Variants in MAP2K4 observed in about 807,000 individuals in gnomAD.
The protein encoded by MAP2K4 is dual specificity mitogen-activated protein kinase kinase 4.
A neutral mutation model predicts 48.5 loss-of-function variants in MAP2K4; 4 were observed. The observed-to-expected ratio is 0.08, with a 90% CI of 0.04 to 0.19. The LOEUF (loss-of-function observed/expected upper bound fraction) is 0.19, where lower values mean the gene tolerates loss of function less well. MAP2K4 is among the 10% of genes least tolerant of loss of function. The pLI, the probability that MAP2K4 is intolerant of heterozygous loss-of-function variation, is 1.00. For synonymous variants in MAP2K4, 166 were observed against 173.1 expected (o/e 0.96, Z 0.32); for missense variants, 258 against 493.3 (o/e 0.52, Z 4.52).
At chr17:12,119,626 C>G (rs1396552029) in intron 7 of MAP2K4, among the ~76,000 whole-genome samples, 2 of 152,328 alleles carry the variant, frequency 1.3e-5, no homozygotes, top group East Asian at 3.9e-4. Flanking sequence ...CCCAGCAGTT[C>G]CATTACTGGA....
chr17:12,063,014 A>G (rs1970500710), intron 2 of MAP2K4, among the ~76,000 whole-genome samples: 1 of 152,072 alleles, frequency 6.6e-6, no homozygotes, highest in Admixed American at 6.6e-5. Context: ...ATTCTAGGAA[A>G]GACAATTTAT....
At chr17:12,095,785 C>A in intron 4 of MAP2K4, 91 bp downstream of exon 4, 1 of 1,359,916 alleles carries the variant, frequency 7.4e-7, no homozygotes, top group Non-Finnish European at 1.0e-6. Flanking sequence ...AAATGCCATA[C>A]ATTAGTAATA....
intron 3 of MAP2K4, among the ~76,000 whole-genome samples, chr17:12,086,278 C>A (rs757837642): frequency 6.6e-6 from 1 of 152,094 alleles, no homozygotes; most frequent in Non-Finnish European, 1.5e-5. Flanking sequence ...GAGCTGTATT[C>A]TTTTATGCTT....
rs1190100164 is a variant in MAP2K4 at position 12,143,795 on chromosome 17, A to G, written c.*2535A>G. The stretch of plus-strand genomic sequence containing the variant: ...AGGGGAAAATCTTAAAGTAAATTAC[A>G]TTAAATTATCTGTGCATTTCACACC... On this transcript the variant is annotated 3_prime_UTR_variant, in exon 11 of 11. Coordinates refer to ENST00000353533, the MANE Select transcript of MAP2K4 (RefSeq NM_003010.4). The G allele has an allele frequency of 4.4e-6, 1 of 226,906 alleles. No homozygotes were observed. Among genetic ancestry groups the G allele is most frequent in the Non-Finnish European group, 8.8e-6 (1 of 114,108 alleles). 14.1% of individuals were successfully genotyped at this position (226,906 alleles called of 1,614,324 possible). A position where few individuals can be genotyped will look rare whatever the true frequency, so the allele number is the denominator to read the frequency against.
At chr17:12,036,976 G>A (rs1969621647) in intron 1 of MAP2K4, among the ~76,000 whole-genome samples, 1 of 151,980 alleles carries the variant, frequency 6.6e-6, no homozygotes, top group Non-Finnish European at 1.5e-5. Flanking sequence ...TTTGGGTAGT[G>A]TTAAGTTTCT....
At chr17:12,068,769 G>T (rs577813111) in intron 2 of MAP2K4, among the ~76,000 whole-genome samples, 2 of 145,606 alleles carry the variant, frequency 1.4e-5, no homozygotes, top group African/African-American at 4.9e-5. Flanking sequence ...TATATATAGC[G>T]TGTGTGTATA....
At chr17:12,092,994 C>G (rs1164531682) in intron 3 of MAP2K4, among the ~76,000 whole-genome samples, 2 of 152,156 alleles carry the variant, frequency 1.3e-5, no homozygotes, top group African/African-American at 2.4e-5. Context: ...CCACTGCACT[C>G]CGGCCTGGGC....
intron 9 of MAP2K4, among the ~76,000 whole-genome samples, chr17:12,136,544 G>T (rs1219667060): frequency 1.3e-5 from 2 of 152,134 alleles, no homozygotes; most frequent in Non-Finnish European, 2.9e-5. Context: ...TTGAAATGTG[G>T]CTAATGTAAC....
At chr17:12,098,028 A>G (rs1312542940) in intron 4 of MAP2K4, among the ~76,000 whole-genome samples, 1 of 152,238 alleles carries the variant, frequency 6.6e-6, no homozygotes, top group Non-Finnish European at 1.5e-5. Context: ...AGAAAAGCAG[A>G]AAGTAACAAC....
At position 12,142,522 on chromosome 17, in the gene MAP2K4, C is replaced by A. The variant is rs377467531; in HGVS notation, c.*1262C>A. ...CTCATATTCGCTAGTGTTTAAAAGG[C>A]TAAGAATAGTGGGGCCCAGCCGATG... On this transcript the variant is annotated 3_prime_UTR_variant, in exon 11 of 11. Coordinates refer to ENST00000353533, the MANE Select transcript of MAP2K4 (RefSeq NM_003010.4). 1.2e-3 allele frequency: 291 copies of A among 233,040 alleles called. 1 individual carries two copies. The highest frequency in any genetic ancestry group is 3.1e-3 in the South Asian group (17 of 5,522). The allele number at this position is 233,040 out of a possible 1,614,324, so 14.4% of individuals were successfully genotyped here. A position where few individuals can be genotyped will look rare whatever the true frequency, so the allele number is the denominator to read the frequency against.
chr17:12,087,306 C>T (rs1043720980), intron 3 of MAP2K4, among the ~76,000 whole-genome samples: 1 of 152,094 alleles, frequency 6.6e-6, no homozygotes, highest in Non-Finnish European at 1.5e-5. Flanking sequence ...ACTTTATTGT[C>T]GTAAGTACTG....
At chr17:12,128,691 T>G (rs559584319) in intron 8 of MAP2K4, among the ~76,000 whole-genome samples, 16 of 152,312 alleles carry the variant, frequency 1.1e-4, no homozygotes, top group Non-Finnish European at 2.2e-4. Flanking sequence ...GATTAGGCTT[T>G]TGTTTGTTGG....
At chr17:12,138,548 G>A (rs1300000660) in intron 9 of MAP2K4, among the ~76,000 whole-genome samples, 1 of 151,932 alleles carries the variant, frequency 6.6e-6, no homozygotes, top group Admixed American at 6.6e-5. Context: ...TTGCTATCTC[G>A]GGTGGCAGAG....
At chr17:12,115,681 T>C (rs1972468080) in intron 7 of MAP2K4, 1 of 757,626 alleles carries the variant, frequency 1.3e-6, no homozygotes, top group Non-Finnish European at 2.5e-6. Flanking sequence ...GGAACACAAA[T>C]GTAGTAGAAC....
chr17:12,082,015 G>T (rs755252784), intron 3 of MAP2K4: 1 of 515,060 alleles, frequency 1.9e-6, no homozygotes, highest in Non-Finnish European at 4.0e-6. Context: ...CTCGGCTTCT[G>T]TTTGTTTATT....
intron 2 of MAP2K4, among the ~76,000 whole-genome samples, chr17:12,068,932 A>G (rs941088650): frequency 2.0e-5 from 3 of 152,138 alleles, no homozygotes; most frequent in African/African-American, 4.8e-5. Flanking sequence ...GCCTAGGAAG[A>G]GAGTGAGAAT....
At chr17:12,054,499 G>T (rs186574479) in intron 1 of MAP2K4, among the ~76,000 whole-genome samples, 1 of 152,004 alleles carries the variant, frequency 6.6e-6, no homozygotes, top group Non-Finnish European at 1.5e-5. Flanking sequence ...GAGGGAAAAC[G>T]ATATTTATTA....
At chr17:12,085,436 A>T (rs1010403573) in intron 3 of MAP2K4, among the ~76,000 whole-genome samples, 2 of 151,886 alleles carry the variant, frequency 1.3e-5, no homozygotes, top group African/African-American at 4.8e-5. Flanking sequence ...GTTAATCAGG[A>T]AAAACAGATC....
intron 2 of MAP2K4, among the ~76,000 whole-genome samples, chr17:12,067,927 C>G (rs556525076): frequency 6.6e-6 from 1 of 151,978 alleles, no homozygotes; most frequent in South Asian, 2.1e-4. Context: ...AGGAAGAGAA[C>G]CAGGTGCTAT....
Sources: gnomAD v4.1 joint callset for allele counts (sites outside exome capture counted in the v4.1 genomes callset) on GRCh38, gnomAD v4.1.1 for gene constraint, MANE v1.5 for transcripts, NCBI Gene and HGNC (gene_info 2026-07-23, HGNC 2026-07-21) for gene names.